CCNL1: variants seen among roughly 807,000 people sequenced by gnomAD.
CCNL1 encodes cyclin L1.
A neutral mutation model predicts 60.6 loss-of-function variants in CCNL1; 13 were observed. The ratio of observed to expected loss-of-function variants is 0.21; its 90% CI spans 0.14 to 0.34. The LOEUF (loss-of-function observed/expected upper bound fraction) is 0.34, where lower values mean the gene tolerates loss of function less well. CCNL1 is among the 10% of genes least tolerant of loss of function. The probability of loss-of-function intolerance (pLI) is 1.00; values close to 1 mark genes in which losing one functional copy is unlikely to be tolerated. For missense variants in CCNL1, 481 were observed against 664.3 expected (o/e 0.72, Z 3.03); for synonymous variants, 270 against 244.3 (o/e 1.10, Z -0.98).
chr3:157,145,783 A>G (rs1737768656), downstream of CCNL1, among the ~76,000 whole-genome samples: 1 of 152,230 alleles, frequency 6.6e-6, no homozygotes, highest in Non-Finnish European at 1.5e-5. Flanking sequence ...TTTACCACAC[A>G]GTGGACAGAA....
intron 3 of CCNL1, among the ~76,000 whole-genome samples, chr3:157,157,884 G>A (rs912718044): frequency 1.3e-5 from 2 of 152,132 alleles, no homozygotes; most frequent in South Asian, 2.1e-4. Context: ...CAGCCAATAA[G>A]GACTACTCAT....
chr3:157,153,379 A>C (rs139381326), intron 3 of CCNL1: 1 of 407,354 alleles, frequency 2.5e-6, no homozygotes, highest in African/African-American at 2.0e-5. Context: ...TTCTGTAATG[A>C]AAAAAATTCA....
chr3:157,153,123 G>A lies in CCNL1; in HGVS notation c.522C>T (p.Tyr174=). ...TPSPLILDQN[Y]INTKNQVIKA... is the part of the protein sequence containing the mutation. ...TGATAACTTGATTTTTGGTGTTAAT[G>A]TAGTTCTGATCAAGGATCAGGGGGC... The change falls in exon 4 of 11, where the codon TAC becomes TAT. Residue 174 remains tyrosine (Y), a synonymous_variant. Transcript: ENST00000295926. 6.2e-7 allele frequency: 1 copy of A among 1,613,468 alleles called. No homozygotes were observed. Among genetic ancestry groups the A allele is most frequent in the Non-Finnish European group, 8.5e-7 (1 of 1,179,616 alleles).
chr3:157,153,437 T>C lies in CCNL1; in HGVS notation c.489-281A>G, dbSNP rs953774621. 8 of 319,590 alleles carry C rather than the reference T, an allele frequency of 2.5e-5. No individual in the cohort carries two copies. The South Asian group carries it at 2.9e-4, about 11-fold the overall frequency. 19.8% of individuals were successfully genotyped at this position (319,590 alleles called of 1,614,324 possible). A position where few individuals can be genotyped will look rare whatever the true frequency, so the allele number is the denominator to read the frequency against. On this transcript the variant is annotated intron_variant, in intron 3 of 10. Coordinates refer to ENST00000295926, the MANE Select transcript of CCNL1 (RefSeq NM_020307.4). ...CCTGCCAACTTTTCCATTCTGCTTA[T>C]ATTCTAGGTGTGTATATATATGTAT...
chr3:157,149,422 T>C, intron 9 of CCNL1, 37 bp from the exon 10 acceptor site: 1 of 1,609,828 alleles, frequency 6.2e-7, no homozygotes, highest in East Asian at 2.2e-5. Flanking sequence ...ACAAACTTAG[T>C]GTGTTAAAAA....
Position 157,158,951 on chromosome 3 carries a change from G to T in CCNL1, c.403C>A (p.Leu135Ile), listed in dbSNP as rs781229208. The change falls in exon 3 of 11, where the codon CTT becomes ATT. Residue 135 changes from leucine to isoleucine, a missense_variant. Around this residue, in one of 5 missense-constraint regions of CCNL1, gnomAD observed 130 missense variants for 174.5 expected, o/e 0.75. Transcript: ENST00000295926. ...GGTGCTTCTTCGATTTTTGATGCAA[G>T]ATTAATACAAGCCATAGCAACAATC... ...FEIVAMACIN[L>I]ASKIEEAPRR... 6.2e-7 allele frequency: 1 copy of T among 1,612,590 alleles called. No individual in the cohort carries two copies. Among genetic ancestry groups the T allele is most frequent in the Non-Finnish European group, 8.5e-7 (1 of 1,179,064 alleles).
intron 3 of CCNL1, chr3:157,153,807 T>C (rs547297489): frequency 6.6e-6 from 1 of 152,272 alleles, no homozygotes; most frequent in South Asian, 2.1e-4. Flanking sequence ...CAATGGGGTA[T>C]TATGTTTTTA....
Position 157,158,946 on chromosome 3 carries a change from T to C in CCNL1, c.408A>G (p.Ala136=). Residue 136 remains alanine (A), a synonymous_variant, in exon 3 of 11, where the codon GCA becomes GCG. Transcript: ENST00000295926. ...EIVAMACINL[A]SKIEEAPRRI... Reference sequence around the variant, plus strand: ...TTCTAGGTGCTTCTTCGATTTTTGATGCAAGATTAATACAAGCCATAGCAA... The same window carrying C: ...TTCTAGGTGCTTCTTCGATTTTTGACGCAAGATTAATACAAGCCATAGCAA... 1 of 1,613,324 alleles carries C rather than the reference T, an allele frequency of 6.2e-7. No homozygotes were observed. Among genetic ancestry groups the C allele is most frequent in the South Asian group, 1.1e-5 (1 of 91,052 alleles).
chr3:157,151,647 CACA>C, intron 5 of CCNL1: 1 of 988,990 alleles, frequency 1.0e-6, no homozygotes, highest in Non-Finnish European at 1.2e-6. Context: ...ATAATGGCTG[CACA>C]ACAAATCTAT....
chr3:157,150,109 G>T lies in CCNL1; in HGVS notation c.835C>A (p.Gln279Lys), dbSNP rs955978794. ...CTAAGTGTTTCTATGCAGATTTCCTGGATTTCCTCTTCTGTAGTACCAAAA... is the reference window on the plus strand; with the variant it reads ...CTAAGTGTTTCTATGCAGATTTCCTTGATTTCCTCTTCTGTAGTACCAAAA... ...LLFGTTEEEIQEICIETLRLY... is the reference protein window; with the variant it reads ...LLFGTTEEEIKEICIETLRLY... The change falls in exon 7 of 11, where the codon CAG (glutamine) becomes AAG (lysine). Residue 279 changes from glutamine (Q) to lysine (K), a missense_variant. Gln to Lys is a moderately conservative substitution (Grantham distance 53, BLOSUM62 1). Around this residue, in one of 5 missense-constraint regions of CCNL1, gnomAD observed 75 missense variants for 129.6 expected, o/e 0.58. Coordinates refer to ENST00000295926, the MANE Select transcript of CCNL1 (RefSeq NM_020307.4). 7 of 1,612,672 alleles carry T rather than the reference G, an allele frequency of 4.3e-6. No homozygotes were observed. Among genetic ancestry groups the T allele is most frequent in the Non-Finnish European group, 5.9e-6 (7 of 1,179,648 alleles).
In CCNL1 at chr3:157,159,988, G is replaced by A; in HGVS notation, c.107C>T (p.Thr36Met). 6.3e-7 allele frequency: 1 copy of A among 1,581,994 alleles called. No individual in the cohort carries two copies. Residue 36 changes from threonine to methionine, a missense_variant, in exon 1 of 11, where the codon ACG (threonine) becomes ATG (methionine). Physicochemically the swap from Thr to Met is moderately conservative, Grantham distance 81. Around this residue, in one of 5 missense-constraint regions of CCNL1, gnomAD observed 65 missense variants for 57.5 expected, o/e 1.13. Coordinates refer to ENST00000295926, the MANE Select transcript of CCNL1 (RefSeq NM_020307.4). ...SSGTTTTTTT[T>M]TGGILIGDRL... is the part of the protein sequence containing the mutation. ...ATCGCCGATCAGGATCCCTCCCGTC[G>A]TGGTCGTCGTCGTGGTCGTCGTCCC...
At chr3:157,150,808 A>G in intron 5 of CCNL1, 8 of 989,506 alleles carry the variant, frequency 8.1e-6, no homozygotes, top group Non-Finnish European at 9.6e-6. Flanking sequence ...AGTTCTTTTC[A>G]AAAGCTCAAA....
rs756018303 is a variant in CCNL1 at position 157,149,843 on chromosome 3, G to A, written c.1014C>T (p.Ser338=). ...ATTCTAAATACATCTTACATGGCTT[G>A]GAGGCTGGAGAAAATCCACCCAGGG... ...LSTLGGFSPA[S]KPSSPREVKA... Residue 338 remains serine, a synonymous_variant, in exon 8 of 11, where the codon TCC becomes TCT. Transcript: ENST00000295926. 6.2e-7 allele frequency: 1 copy of A among 1,613,858 alleles called. No homozygotes were observed. The highest frequency in any genetic ancestry group is 8.5e-7 in the Non-Finnish European group (1 of 1,179,938).
intron 3 of CCNL1, chr3:157,156,891 T>C (rs1738669550): frequency 7.8e-7 from 1 of 1,279,904 alleles, no homozygotes; most frequent in African/African-American, 1.5e-5. Context: ...CAAAAGCTTA[T>C]AACAAGAAAC....
rs185779824 is a variant in CCNL1, at chr3:157,148,646, C to T, written c.1233-57G>A. ...AGTTTCTATGGGGAACAGATTATTC[C>T]GGTGGTTGCTCATAACAGGTTCAAA... On this transcript the variant is annotated intron_variant, in intron 10 of 10. Coordinates refer to ENST00000295926, the MANE Select transcript of CCNL1 (RefSeq NM_020307.4). 424 of 1,460,174 alleles carry T rather than the reference C, an allele frequency of 2.9e-4. No homozygotes were observed. The Middle Eastern group carries it at 4.7e-3, about 16-fold the overall frequency. The allele number at this position is 1,460,174 out of a possible 1,614,324, so 90.5% of individuals were successfully genotyped here. A position where few individuals can be genotyped will look rare whatever the true frequency, so the allele number is the denominator to read the frequency against.
At chr3:157,158,192 C>T (rs1241100722) in intron 3 of CCNL1, among the ~76,000 whole-genome samples, 1 of 152,190 alleles carries the variant, frequency 6.6e-6, no homozygotes, top group African/African-American at 2.4e-5. Flanking sequence ...TCTGTATTTT[C>T]TTACAACATC....
rs766277968 is a variant in CCNL1, at chr3:157,149,492, A to G, written c.1126T>C (p.Tyr376His). The G allele has an allele frequency of 5.0e-6, 8 of 1,613,772 alleles. No homozygotes were observed. Among genetic ancestry groups the G allele is most frequent in the Non-Finnish European group, 6.8e-6 (8 of 1,179,716 alleles). The change falls in exon 9 of 11, where the codon TAC (tyrosine) becomes CAC (histidine). Residue 376 changes from tyrosine (Y) to histidine (H), a missense_variant. Physicochemically the swap from Tyr to His is moderately conservative, Grantham distance 83 (BLOSUM62 2). Transcript: ENST00000295926. ...CAGCCCAAGTATACTCACCCATTGT[A>G]AGGGCTTTTGGAAGCCTGTTGTCTA... Reference protein sequence around the residue: ...EDRQQASKSPYNGVRKDSKRS... With the variant: ...EDRQQASKSPHNGVRKDSKRS...
At position 157,159,772 on chromosome 3, in the gene CCNL1, C is replaced by T. The variant is rs779717932; in HGVS notation, c.303+20G>A. The T allele has an allele frequency of 3.3e-6, 5 of 1,514,294 alleles. 1 individual carries two copies. In the Admixed American group the frequency reaches 6.3e-5, roughly 19 times the overall value. The allele number at this position is 1,514,294 out of a possible 1,614,324, so 93.8% of individuals were successfully genotyped here. A position where few individuals can be genotyped will look rare whatever the true frequency, so the allele number is the denominator to read the frequency against. On this transcript the variant is annotated intron_variant, in intron 1 of 10. Coordinates refer to ENST00000295926, the MANE Select transcript of CCNL1 (RefSeq NM_020307.4). ...GGAGAGGAGAGGAGCGCCCGGCCGG[C>T]CCGGGGCCGGAGCACTGACCTGCGG... is the stretch of plus-strand genomic sequence containing the variant.
chr3:157,155,271 C>G (rs1738525443), intron 3 of CCNL1, among the ~76,000 whole-genome samples: 4 of 152,132 alleles, frequency 2.6e-5, no homozygotes, highest in African/African-American at 2.4e-5. Context: ...ATTATCTATA[C>G]CTCTTAAGAT....
Sources: allele counts gnomAD v4.1 joint callset (sites outside exome capture counted in the v4.1 genomes callset), GRCh38; gene constraint gnomAD v4.1.1; regional missense constraint gnomAD v4.1.1; transcripts MANE v1.5; gene names NCBI Gene and HGNC (gene_info 2026-07-23, HGNC 2026-07-21).